LEKR1: variants seen among roughly 807,000 people sequenced by gnomAD.
LEKR1 encodes the protein protein LEKR1.
A neutral mutation model predicts 72.4 loss-of-function variants in LEKR1; 59 were observed. The observed-to-expected ratio is 0.82, with a 90% CI of 0.66 to 1.01. LEKR1 has a LOEUF of 1.01. LEKR1 is among the 50% of genes least tolerant of loss of function. The probability of loss-of-function intolerance (pLI) is 0.00; values close to 1 mark genes in which losing one functional copy is unlikely to be tolerated. For missense variants in LEKR1, 728 were observed against 759.2 expected (o/e 0.96, Z 0.48); for synonymous variants, 257 against 263.2 (o/e 0.98, Z 0.23).
chr3:157,011,268 A>T, intron 9 of LEKR1, 145 bp from the exon 10 acceptor site: 1 of 580,674 alleles, frequency 1.7e-6, no homozygotes, highest in African/African-American at 1.9e-5. Flanking sequence ...TTAATAGTTA[A>T]AATGATATGT....
intron 6 of LEKR1, among the ~76,000 whole-genome samples, chr3:156,978,378 A>G (rs569294251): frequency 6.6e-6 from 1 of 152,350 alleles, no homozygotes; most frequent in South Asian, 2.1e-4. Flanking sequence ...TTACAACTCC[A>G]GTGTTTTGAA....
intron 3 of LEKR1, among the ~76,000 whole-genome samples, chr3:156,919,102 A>G (rs1723938788): frequency 6.6e-6 from 1 of 152,198 alleles, no homozygotes; most frequent in Non-Finnish European, 1.5e-5. Context: ...CTTTCAGCCC[A>G]TTGTCCTTGT....
chr3:156,936,286 G>T (rs1297224580), intron 5 of LEKR1, among the ~76,000 whole-genome samples: 1 of 152,060 alleles, frequency 6.6e-6, no homozygotes, highest in African/African-American at 2.4e-5. Flanking sequence ...ACTGGCCTCT[G>T]TGTTGCTGGC....
chr3:156,929,222 C>A (rs973503846), intron 5 of LEKR1, among the ~76,000 whole-genome samples: 1 of 151,202 alleles, frequency 6.6e-6, no homozygotes, highest in African/African-American at 2.4e-5. Context: ...CATTGAAGAT[C>A]CCCCATTTCC....
In LEKR1 at chr3:156,852,901, A is replaced by G. The variant is rs1268731430; in HGVS notation, c.182A>G (p.Glu61Gly). ...TTTTATCAAGGAAGTGTAGATCGTG[A>G]AAAGAGACTTCAAGAAAAGCTGCAT... ...MKFYQGSVDR[E>G]KRLQEKLHSL... Residue 61 changes from glutamate (E) to glycine (G), a missense_variant, in exon 3 of 13, where the codon GAA (glutamate) becomes GGA (glycine). Transcript: ENST00000356539. 2 of 1,484,272 alleles carry G rather than the reference A, an allele frequency of 1.3e-6. No homozygotes were observed. The highest frequency in any genetic ancestry group is 1.8e-6 in the Non-Finnish European group (2 of 1,122,650). The allele number at this position is 1,484,272 out of a possible 1,614,324, so 91.9% of individuals were successfully genotyped here.
chr3:156,888,349 A>T (rs1290820123), intron 3 of LEKR1: 1 of 702,270 alleles, frequency 1.4e-6, no homozygotes, highest in Non-Finnish European at 2.6e-6. Context: ...TTGCCAGCTG[A>T]AAGAACGAAT....
chr3:156,883,652 T>C (rs947180413), intron 3 of LEKR1, among the ~76,000 whole-genome samples: 16 of 152,222 alleles, frequency 1.1e-4, no homozygotes, highest in African/African-American at 3.1e-4. Context: ...CAAGATCTGA[T>C]AGTTTTATAA....
intron 10 of LEKR1, among the ~76,000 whole-genome samples, chr3:157,020,462 T>C (rs1357677431): frequency 1.1e-4 from 13 of 120,764 alleles, no homozygotes; most frequent in African/African-American, 3.9e-4. Context: ...CAGAGTGTGA[T>C]GTTCCCCTTC....
At chr3:157,013,267 T>C (rs1019521196) in intron 10 of LEKR1, among the ~76,000 whole-genome samples, 10 of 152,100 alleles carry the variant, frequency 6.6e-5, no homozygotes, top group Non-Finnish European at 1.5e-4. Context: ...TTGTAGAAAT[T>C]TCCCATCTCC....
intron 7 of LEKR1, among the ~76,000 whole-genome samples, chr3:156,982,131 T>A (rs997747526): frequency 1.3e-5 from 2 of 152,248 alleles, no homozygotes; most frequent in East Asian, 3.8e-4. Flanking sequence ...AACGTTGTTA[T>A]GTATTTAAAA....
intron 5 of LEKR1, among the ~76,000 whole-genome samples, chr3:156,931,310 C>T (rs1371652824): frequency 6.6e-6 from 1 of 152,040 alleles, no homozygotes; most frequent in African/African-American, 2.4e-5. Flanking sequence ...ATTATTAGCT[C>T]ATCTGCTTGA....
chr3:156,844,775 A>G (rs1044374928), intron 2 of LEKR1, among the ~76,000 whole-genome samples: 1 of 152,044 alleles, frequency 6.6e-6, no homozygotes, highest in Non-Finnish European at 1.5e-5. Flanking sequence ...AAGGGAATCT[A>G]GGTTTTTTTC....
chr3:156,967,555 C>A (rs905465825), intron 6 of LEKR1, among the ~76,000 whole-genome samples: 1 of 151,908 alleles, frequency 6.6e-6, no homozygotes, highest in African/African-American at 2.4e-5. Context: ...TGAAATGAAG[C>A]AAGAAGAGAA....
intron 5 of LEKR1, among the ~76,000 whole-genome samples, chr3:156,934,492 C>T (rs761743243): frequency 6.6e-6 from 1 of 152,110 alleles, no homozygotes; most frequent in Non-Finnish European, 1.5e-5. Context: ...TTCTTGAAAA[C>T]CAAAGGCAAA....
intron 4 of LEKR1, 164 bp downstream of exon 4, chr3:156,920,858 A>C: frequency 6.9e-5 from 32 of 463,946 alleles, no homozygotes; most frequent in East Asian, 1.2e-4. Flanking sequence ...CCATTATCTC[A>C]ATGAATAGTG....
intron 6 of LEKR1, among the ~76,000 whole-genome samples, chr3:156,963,014 AC>A (rs1169613942): frequency 1.3e-5 from 2 of 152,002 alleles, no homozygotes; most frequent in Non-Finnish European, 2.9e-5. Context: ...TCCTAAATTC[AC>A]CCCTCTCAGA....
At chr3:156,858,499 C>A (rs1716358838) in intron 3 of LEKR1, among the ~76,000 whole-genome samples, 1 of 151,772 alleles carries the variant, frequency 6.6e-6, no homozygotes, top group South Asian at 2.1e-4. Context: ...ATGGTGAAAC[C>A]CCGTTCTCTA....
intron 3 of LEKR1, among the ~76,000 whole-genome samples, chr3:156,888,778 T>C (rs1720363926): frequency 6.6e-6 from 1 of 152,218 alleles, no homozygotes; most frequent in Non-Finnish European, 1.5e-5. Context: ...TCTCAGGTTC[T>C]TCTCACCAGA....
At chr3:157,036,999 A>G (rs749834787) in intron 12 of LEKR1, among the ~76,000 whole-genome samples, 1 of 152,226 alleles carries the variant, frequency 6.6e-6, no homozygotes, top group Non-Finnish European at 1.5e-5. Flanking sequence ...CCAGATGTGC[A>G]TATGCTTATA....
Sources: allele counts gnomAD v4.1 joint callset (sites outside exome capture counted in the v4.1 genomes callset), GRCh38; gene constraint gnomAD v4.1.1; transcripts MANE v1.5; gene names NCBI Gene and HGNC (gene_info 2026-07-23, HGNC 2026-07-21).